The following FGF5 variants were observed in gnomAD, a reference collection of about 807,000 sequenced individuals.
FGF5 encodes heparin-binding growth factor 5.
In FGF5, 23 loss-of-function variants were observed where a neutral mutation model predicts 21.8. The ratio of observed to expected loss-of-function variants is 1.05; its 90% confidence interval spans 0.76 to 1.49. The LOEUF (loss-of-function observed/expected upper bound fraction) is 1.49, where lower values mean the gene tolerates loss of function less well. FGF5 is among the 40% of genes most tolerant of loss of function. FGF5 has a pLI of 0.00. For missense variants in FGF5, 352 were observed against 332.9 expected, an observed-to-expected ratio of 1.06 and a Z score of -0.45; for synonymous variants, 158 against 124.0, an observed-to-expected ratio of 1.27 and a Z score of -1.82.
Position 80,267,113 on chromosome 4 carries a change from A to G in FGF5, c.289A>G (p.Ile97Val), listed in dbSNP as rs763145655. The G allele has an allele frequency of 1.2e-6, 2 of 1,614,032 alleles. No individual in the cohort carries two copies. Among genetic ancestry groups the G allele is most frequent in the Non-Finnish European group, 1.7e-6 (2 of 1,179,974 alleles). Residue 97 changes from isoleucine to valine, a missense_variant, in exon 1 of 3, where the codon ATC becomes GTC. Transcript: ENST00000312465. ...CGGCAGCCTCTACTGCAGAGTGGGC[A>G]TCGGTTTCCATCTGCAGATCTACCC... The part of the protein sequence containing the change: ...RTGSLYCRVG[I>V]GFHLQIYPDG...
intron 1 of FGF5, among the ~76,000 whole-genome samples, chr4:80,270,935 C>T (rs1317064088): frequency 6.6e-6 from 1 of 152,180 alleles, no homozygotes; most frequent in Non-Finnish European, 1.5e-5. Context: ...ATCTACTATG[C>T]AGAAAAATCA....
At chr4:80,276,186 AT>A (rs1720405161) in intron 2 of FGF5, among the ~76,000 whole-genome samples, 1 of 152,028 alleles carries the variant, frequency 6.6e-6, no homozygotes, top group Non-Finnish European at 1.5e-5. Context: ...TAAGAATACT[AT>A]TTGGTGTGTT....
chr4:80,274,958 A>C lies in FGF5; in HGVS notation c.405A>C (p.Gly135=), dbSNP rs748397097. The C allele has an allele frequency of 6.2e-7, 1 of 1,600,782 alleles. No homozygotes were observed. The highest frequency in any genetic ancestry group is 1.1e-5 in the South Asian group (1 of 89,408). ...AVSQGIVGIR[G]VFSNKFLAMS... ...CTCAGGGGATTGTAGGAATACGAGG[A>C]GTTTTCAGCAACAAATTTTTAGCGA... is the stretch of plus-strand genomic sequence containing the variant. The change falls in exon 2 of 3, where the codon GGA becomes GGC. Residue 135 remains glycine (G), a synonymous_variant. Coordinates refer to ENST00000312465, the MANE Select transcript of FGF5 (RefSeq NM_004464.4).
rs945934474 is a variant in FGF5 at position 80,266,719 on chromosome 4, C to A, written c.-106C>A. The stretch of plus-strand genomic sequence containing the variant: ...CTTCTCTTCCCCGAGGCTATGTCCA[C>A]CCGGTGCGGCGAGGCGGGCAGAGCC... On this transcript the variant is annotated 5_prime_UTR_variant, in exon 1 of 3. Coordinates refer to ENST00000312465, the MANE Select transcript of FGF5 (RefSeq NM_004464.4). The A allele has an allele frequency of 1.0e-6, 1 of 978,266 alleles. No individual in the cohort carries two copies. The highest frequency in any genetic ancestry group is 1.5e-6 in the Non-Finnish European group (1 of 659,216). The allele number at this position is 978,266 out of a possible 1,614,324, so 60.6% of individuals were successfully genotyped here.
chr4:80,285,695 G>A (rs1294380494), intron 2 of FGF5, among the ~76,000 whole-genome samples: 1 of 152,162 alleles, frequency 6.6e-6, no homozygotes, highest in African/African-American at 2.4e-5. Flanking sequence ...AGTAACTCGA[G>A]TGACTTTTTT....
chr4:80,282,690 A>T (rs1228681016), intron 2 of FGF5, among the ~76,000 whole-genome samples: 3 of 152,204 alleles, frequency 2.0e-5, no homozygotes, highest in Non-Finnish European at 4.4e-5. Flanking sequence ...AGGCAATTAG[A>T]TGAAGGAGTC....
Position 80,287,105 on chromosome 4 carries a change from A to T in FGF5, c.*433A>T, listed in dbSNP as rs1720757161. On this transcript the variant is annotated 3_prime_UTR_variant, in exon 3 of 3. Coordinates refer to ENST00000312465, the MANE Select transcript of FGF5 (RefSeq NM_004464.4). ...TGTTTTTTTTTGTTTGTTTTCTTAA[A>T]AGTACCTCTGCATTGAGCATATTTT... 6.4e-6 allele frequency: 1 copy of T among 156,864 alleles called. No individual in the cohort carries two copies. The highest frequency in any genetic ancestry group is 2.4e-5 in the African/African-American group (1 of 41,470). 9.7% of individuals were successfully genotyped at this position (156,864 alleles called of 1,614,324 possible).
intron 2 of FGF5, among the ~76,000 whole-genome samples, chr4:80,280,548 A>C (rs1292278080): frequency 1.3e-5 from 2 of 152,368 alleles, no homozygotes; most frequent in Non-Finnish European, 2.9e-5. Flanking sequence ...AGGAATCAGA[A>C]GATGCAATTT....
intron 1 of FGF5, chr4:80,268,629 T>C: frequency 2.0e-6 from 1 of 504,352 alleles, no homozygotes; most frequent in Middle Eastern, 1.0e-3. Context: ...GCGGAAGACC[T>C]GATGGTTCAT....
At chr4:80,273,382 A>G (rs1297000340) in intron 1 of FGF5, among the ~76,000 whole-genome samples, 4 of 152,134 alleles carry the variant, frequency 2.6e-5, no homozygotes, top group African/African-American at 9.6e-5. Flanking sequence ...CAAGTTTTTT[A>G]AGAAACCAAG....
chr4:80,282,977 G>A (rs1343371420), intron 2 of FGF5, among the ~76,000 whole-genome samples: 1 of 151,986 alleles, frequency 6.6e-6, no homozygotes, highest in Non-Finnish European at 1.5e-5. Flanking sequence ...CTATAAAGAT[G>A]GTCCATGCAC....
chr4:80,278,158 T>C (rs1287161355), intron 2 of FGF5, among the ~76,000 whole-genome samples: 1 of 152,082 alleles, frequency 6.6e-6, no homozygotes, highest in African/African-American at 2.4e-5. Flanking sequence ...AATTACATTG[T>C]TTTCACCTCT....
intron 1 of FGF5, among the ~76,000 whole-genome samples, chr4:80,269,582 A>G (rs1168643911): frequency 1.3e-5 from 2 of 152,212 alleles, no homozygotes; most frequent in African/African-American, 4.8e-5. Flanking sequence ...GAGAACAGGG[A>G]TGTTTCCTAA....
chr4:80,276,563 T>C (rs907804710), intron 2 of FGF5, among the ~76,000 whole-genome samples: 8 of 152,048 alleles, frequency 5.3e-5, no homozygotes, highest in African/African-American at 1.7e-4. Flanking sequence ...AGTTCTTTAG[T>C]GGTGATTTCT....
chr4:80,271,439 C>T (rs1409443880), intron 1 of FGF5, among the ~76,000 whole-genome samples: 2 of 152,018 alleles, frequency 1.3e-5, no homozygotes, highest in East Asian at 1.9e-4. Context: ...TTCTTTTGAC[C>T]CTCTTAAATG....
At chr4:80,268,808 C>G (rs1436385303) in intron 1 of FGF5, among the ~76,000 whole-genome samples, 1 of 152,334 alleles carries the variant, frequency 6.6e-6, no homozygotes, top group East Asian at 1.9e-4. Flanking sequence ...CTCACACTCC[C>G]GAGAGGAATC....
chr4:80,267,748 G>A lies in FGF5; in HGVS notation c.355+569G>A, dbSNP rs182580758. 1.9e-3 allele frequency among the ~76,000 whole-genome samples: 293 copies of A among 152,242 alleles called. 1 individual carries two copies. Among genetic ancestry groups the A allele is most frequent in the Non-Finnish European group, 3.4e-3 (231 of 68,012 alleles). On this transcript the variant is annotated intron_variant, in intron 1 of 2. Coordinates refer to ENST00000312465, the MANE Select transcript of FGF5 (RefSeq NM_004464.4). ...ATACACATAGGTAGATAGATAGATA[G>A]ATAGATAGATACACAGATAGATAGA...
At chr4:80,275,780 A>G (rs2109922188) in intron 2 of FGF5, among the ~76,000 whole-genome samples, 1 of 152,174 alleles carries the variant, frequency 6.6e-6, no homozygotes, top group East Asian at 1.9e-4. Flanking sequence ...ATTAGTATAT[A>G]CACGCTGCAC....
In FGF5 at chr4:80,266,784, C is replaced by A; in HGVS notation, c.-41C>A. ...GCACAGGGGCTACAGAGCCCAGAATCAGCCCTACAAGATGCACTTAGGACC... is the reference window on the plus strand; with the variant it reads ...GCACAGGGGCTACAGAGCCCAGAATAAGCCCTACAAGATGCACTTAGGACC... On this transcript the variant is annotated 5_prime_UTR_variant, in exon 1 of 3. Transcript: ENST00000312465. The A allele has an allele frequency of 6.7e-7, 1 of 1,486,166 alleles. No individual in the cohort carries two copies. The highest frequency in any genetic ancestry group is 9.0e-7 in the Non-Finnish European group (1 of 1,106,164). 92.1% of individuals were successfully genotyped at this position (1,486,166 alleles called of 1,614,324 possible).
Sources: allele counts gnomAD v4.1 joint callset (sites outside exome capture counted in the v4.1 genomes callset), GRCh38; gene constraint gnomAD v4.1.1; transcripts MANE v1.5; gene names NCBI Gene and HGNC (gene_info 2026-07-23, HGNC 2026-07-21).